Variants in PEMT observed in about 807,000 individuals in gnomAD.
PEMT encodes phospholipid methyltransferase.
Under a neutral mutation model 27.4 loss-of-function variants are expected in PEMT, and 23 were observed. That is an observed-to-expected ratio of 0.84 (90% CI 0.60 to 1.19). PEMT has a LOEUF of 1.19. Among genes scored for constraint, PEMT ranks in the 50% most tolerant of loss-of-function variants. The pLI is 0.00. For synonymous variants in PEMT, 137 were observed against 139.1 expected, an observed-to-expected ratio of 0.98 and a Z score of 0.11; for missense variants, 307 against 310.1, an observed-to-expected ratio of 0.99 and a Z score of 0.07.
chr17:17,566,025 A>T (rs749550281), intron 2 of PEMT, among the ~76,000 whole-genome samples: 8 of 152,246 alleles, frequency 5.3e-5, no homozygotes, highest in Non-Finnish European at 1.2e-4. Flanking sequence ...AGTGGGGCAG[A>T]GGCTGCTCCT....
In PEMT at chr17:17,561,640, G is replaced by A. The variant is rs868213781; in HGVS notation, c.204+15280C>T. Among the ~76,000 whole-genome samples, 7 of 152,188 alleles carry A rather than the reference G, an allele frequency of 4.6e-5. No individual in the cohort carries two copies. Among genetic ancestry groups the A allele is most frequent in the South Asian group, 2.1e-4 (1 of 4,832 alleles). ...AGGCAGCTGTGCCTGGGTCACAGAT[G>A]AGAATACCAAGGCTCGGAGAAGCCA... On this transcript the variant is annotated intron_variant, in intron 2 of 6. Coordinates refer to ENST00000255389, the MANE Select transcript of PEMT (RefSeq NM_148172.3). This position sits in a 1 kb window ranked among gnomAD's most constrained non-coding sequence, Gnocchi z 4.5.
In PEMT at chr17:17,505,718, C is replaced by T; in HGVS notation, c.*73G>A. On this transcript the variant is annotated 3_prime_UTR_variant, in exon 7 of 7. Transcript: ENST00000255389. Reference sequence around the variant, plus strand: ...CCCTGAGCAGCAGGCACCATTCTCGCCCTGCGCAGGGCCTGCCACTTGGGG... The same window carrying T: ...CCCTGAGCAGCAGGCACCATTCTCGTCCTGCGCAGGGCCTGCCACTTGGGG... The T allele has an allele frequency of 1.4e-6, 2 of 1,470,860 alleles. No homozygotes were observed. The highest frequency in any genetic ancestry group is 1.8e-6 in the Non-Finnish European group (2 of 1,106,308). The allele number at this position is 1,470,860 out of a possible 1,614,324, so 91.1% of individuals were successfully genotyped here.
intron 2 of PEMT, among the ~76,000 whole-genome samples, chr17:17,568,695 G>A (rs1443010954): frequency 3.3e-5 from 5 of 152,238 alleles, no homozygotes; most frequent in Admixed American, 6.5e-5. Flanking sequence ...GCCATAGACC[G>A]CTGGCTGGGG....
chr17:17,557,405 C>G (rs1262535045), intron 2 of PEMT, among the ~76,000 whole-genome samples: 1 of 152,186 alleles, frequency 6.6e-6, no homozygotes, highest in Non-Finnish European at 1.5e-5. Context: ...AGACAGGAAA[C>G]ACAAAATGGA....
chr17:17,578,975 G>A (rs1391453717), intron 1 of PEMT, among the ~76,000 whole-genome samples: 1 of 152,146 alleles, frequency 6.6e-6, no homozygotes, highest in African/African-American at 2.4e-5. Context: ...AAAAATAAGT[G>A]TAAAGTCCAT....
Position 17,506,260 on chromosome 17 carries a change from G to T in PEMT, c.620C>A (p.Ala207Asp), listed in dbSNP as rs750794228. Reference protein sequence around the residue: ...PTGLLLTVLVALTYIVALLYE... With the variant: ...PTGLLLTVLVDLTYIVALLYE... Reference sequence around the variant, plus strand: ...TAGGAGAGCCACTATGTAGGTGAGGGCCACCAGCACCGTCAGGAGCAGGCC... The same window carrying T: ...TAGGAGAGCCACTATGTAGGTGAGGTCCACCAGCACCGTCAGGAGCAGGCC... Residue 207 changes from alanine to aspartate, a missense_variant, in exon 6 of 7, where the codon GCC (alanine) becomes GAC (aspartate). Coordinates refer to ENST00000255389, the MANE Select transcript of PEMT (RefSeq NM_148172.3). 1.3e-6 allele frequency: 2 copies of T among 1,585,128 alleles called. No individual in the cohort carries two copies. Among genetic ancestry groups the T allele is most frequent in the Admixed American group, 3.5e-5 (2 of 56,526 alleles).
rs575234976 is a variant in PEMT at position 17,530,775 on chromosome 17, A to G, written c.205-8380T>C. Among the ~76,000 whole-genome samples the G allele has an allele frequency of 2.6e-4, 40 of 152,328 alleles. No individual in the cohort carries two copies. The South Asian group carries it at 7.2e-3, about 28-fold the overall frequency. On this transcript the variant is annotated intron_variant, in intron 2 of 6. Coordinates refer to ENST00000255389, the MANE Select transcript of PEMT (RefSeq NM_148172.3). ...ACTGTATTTAGGATCCAAGCTTCCTATAAAAGTGGTACAAAAATGAAATTG... is the reference window on the plus strand; with the variant it reads ...ACTGTATTTAGGATCCAAGCTTCCTGTAAAAGTGGTACAAAAATGAAATTG...
chr17:17,558,171 C>T (rs912036590), intron 2 of PEMT, among the ~76,000 whole-genome samples: 1 of 151,584 alleles, frequency 6.6e-6, no homozygotes, highest in Admixed American at 6.6e-5. Flanking sequence ...GCGAGACTCC[C>T]GTCTCCACAC....
At chr17:17,540,218 C>A (rs113081058) in intron 2 of PEMT, among the ~76,000 whole-genome samples, 1 of 152,202 alleles carries the variant, frequency 6.6e-6, no homozygotes, top group Admixed American at 6.5e-5. Flanking sequence ...CTCAGAGGGG[C>A]CTTCCAATCC....
intron 2 of PEMT, among the ~76,000 whole-genome samples, chr17:17,564,344 T>A (rs1213959578): frequency 6.7e-6 from 1 of 149,724 alleles, no homozygotes; most frequent in Non-Finnish European, 1.5e-5. Context: ...CCCAGTGGAA[T>A]CTTCATCCCC....
chr17:17,572,153 C>T (rs371685387), intron 2 of PEMT, among the ~76,000 whole-genome samples: 153 of 152,346 alleles, frequency 1.0e-3, no homozygotes, highest in Middle Eastern at 6.8e-3. Context: ...CTGGCCAAGC[C>T]ACCTCTCTCA....
At chr17:17,557,254 A>G (rs1210061452) in intron 2 of PEMT, among the ~76,000 whole-genome samples, 1 of 152,184 alleles carries the variant, frequency 6.6e-6, no homozygotes, top group African/African-American at 2.4e-5. Context: ...ACCCTCACGC[A>G]GGGACACACC....
intron 2 of PEMT, chr17:17,565,299 A>T (rs1910758066): frequency 6.5e-6 from 1 of 152,846 alleles, no homozygotes; most frequent in Admixed American, 6.5e-5. Context: ...CTCACCAGCC[A>T]CCAACACCTG....
chr17:17,582,518 G>A lies in PEMT; in HGVS notation c.97-5491C>T. The stretch of plus-strand genomic sequence containing the variant: ...ACAGGCAAAGTCACATCGATTCCAG[G>A]CCACACACCACACACAACAAAGGGC... On this transcript the variant is annotated intron_variant, in intron 1 of 6. Coordinates refer to ENST00000255389, the MANE Select transcript of PEMT (RefSeq NM_148172.3). This position sits in a 1 kb window ranked among gnomAD's most constrained non-coding sequence, Gnocchi z 4.9. 1 of 666,128 alleles carries A rather than the reference G, an allele frequency of 1.5e-6. No homozygotes were observed. The highest frequency in any genetic ancestry group is 1.9e-6 in the Non-Finnish European group (1 of 538,428). The allele number at this position is 666,128 out of a possible 1,614,324, so 41.3% of individuals were successfully genotyped here. A position where few individuals can be genotyped will look rare whatever the true frequency, so the allele number is the denominator to read the frequency against.
At chr17:17,576,811 GCTGT>G (rs1363058534) in intron 2 of PEMT, 105 bp downstream of exon 2, 30 of 828,406 alleles carry the variant, frequency 3.6e-5, no homozygotes, top group African/African-American at 6.6e-5. Flanking sequence ...GAAGAGCAGA[GCTGT>G]CTGTCTGTCT....
chr17:17,539,431 G>A (rs912467034), intron 2 of PEMT, among the ~76,000 whole-genome samples: 39 of 152,164 alleles, frequency 2.6e-4, no homozygotes, highest in African/African-American at 8.9e-4. Context: ...CTCCTCAAGT[G>A]TCACAGAAAT....
intron 2 of PEMT, among the ~76,000 whole-genome samples, chr17:17,529,414 G>A (rs1050045192): frequency 2.0e-5 from 3 of 152,208 alleles, no homozygotes; most frequent in Admixed American, 6.5e-5. Flanking sequence ...GCCCTTCCAC[G>A]TGACACAGCC....
At chr17:17,586,103 C>CA (rs1359797249) in intron 1 of PEMT, among the ~76,000 whole-genome samples, 1 of 129,814 alleles carries the variant, frequency 7.7e-6, no homozygotes, top group Non-Finnish European at 1.7e-5. Context: ...AAAAAATTGT[C>CA]ACAGATTTTT....
chr17:17,590,473 T>C (rs1381046835), intron 1 of PEMT, among the ~76,000 whole-genome samples: 1 of 152,216 alleles, frequency 6.6e-6, no homozygotes, highest in African/African-American at 2.4e-5. Context: ...TCCCATCAGC[T>C]ACTCTTCAAA....
Sources: allele counts gnomAD v4.1 joint callset (sites outside exome capture counted in the v4.1 genomes callset), GRCh38; gene constraint gnomAD v4.1.1; non-coding constraint Gnocchi (gnomAD v3.1); transcripts MANE v1.5; gene names NCBI Gene and HGNC (gene_info 2026-07-23, HGNC 2026-07-21).